Variants in EFL1 observed in about 807,000 individuals in gnomAD.
EFL1 encodes elongation factor like GTPase 1.
In EFL1, 76 loss-of-function variants were observed where a neutral mutation model predicts 126.7. That is an observed-to-expected ratio of 0.60 (90% CI 0.50 to 0.73). The LOEUF (loss-of-function observed/expected upper bound fraction) is 0.73, where lower values mean the gene tolerates loss of function less well. EFL1 is among the 30% of genes least tolerant of loss of function. The pLI, the probability that EFL1 is intolerant of heterozygous loss-of-function variation, is 0.00. For missense variants in EFL1, 1,128 were observed against 1,343.2 expected, an observed-to-expected ratio of 0.84 and a Z score of 2.50; for synonymous variants, 410 against 448.4, an observed-to-expected ratio of 0.91 and a Z score of 1.08.
Position 82,238,487 on chromosome 15 carries a change from T to G in EFL1, c.551A>C (p.Lys184Thr). 1 of 1,613,758 alleles carries G rather than the reference T, an allele frequency of 6.2e-7. No individual in the cohort carries two copies. Among genetic ancestry groups the G allele is most frequent in the Non-Finnish European group, 8.5e-7 (1 of 1,179,856 alleles). Reference sequence around the variant, plus strand: ...CCTCTCTGCTCTTTCTTCTAGGACTTTAGAAGTAAAAAGAGTCCCTGTGAG... The same window carrying G: ...CCTCTCTGCTCTTTCTTCTAGGACTGTAGAAGTAAAAAGAGTCCCTGTGAG... ...NALTGTLFTS[K>T]VLEERAERET... is the part of the protein sequence containing the mutation. Residue 184 changes from lysine (K) to threonine (T), a missense_variant, in exon 7 of 20, where the codon AAA becomes ACA. By Grantham distance (78) the Lys-to-Thr change is moderately conservative. Coordinates refer to ENST00000268206, the MANE Select transcript of EFL1 (RefSeq NM_024580.6).
intron 4 of EFL1, among the ~76,000 whole-genome samples, chr15:82,252,036 T>C (rs970349346): frequency 6.6e-6 from 1 of 152,196 alleles, no homozygotes; most frequent in African/African-American, 2.4e-5. Context: ...AAAAATACTC[T>C]GCAATTTGTT....
rs778084705 is a variant in EFL1 at position 82,151,474 on chromosome 15, C to A, written c.2980G>T (p.Asp994Tyr). 1 of 1,608,674 alleles carries A rather than the reference C, an allele frequency of 6.2e-7. No homozygotes were observed. The highest frequency in any genetic ancestry group is 1.1e-5 in the South Asian group (1 of 90,214). Residue 994 changes from aspartate (D) to tyrosine (Y), a missense_variant, in exon 18 of 20, where the codon GAT becomes TAT. By Grantham distance (160) the Asp-to-Tyr change is radical. Transcript: ENST00000268206. ...ACCTTTTCTTCCTTACCGAGAACAT[C>A]ACCAGTGGCCATGATGTCACATGTG... ...MYTCDIMATGDVLGRVYAVLS... is the reference protein window; with the variant it reads ...MYTCDIMATGYVLGRVYAVLS...
chr15:82,140,806 T>C (rs193155197), intron 18 of EFL1, among the ~76,000 whole-genome samples: 1 of 152,334 alleles, frequency 6.6e-6, no homozygotes, highest in Admixed American at 6.5e-5. Flanking sequence ...AGTTACAGAA[T>C]CACACAACAG....
chr15:82,158,912 A>G (rs2141236760), intron 16 of EFL1, among the ~76,000 whole-genome samples: 1 of 152,340 alleles, frequency 6.6e-6, no homozygotes, highest in Non-Finnish European at 1.5e-5. Context: ...ACAGGTATAG[A>G]GAAACTAATA....
intron 7 of EFL1, among the ~76,000 whole-genome samples, chr15:82,236,002 C>T (rs1567074469): frequency 6.6e-6 from 1 of 151,866 alleles, no homozygotes; most frequent in African/African-American, 2.4e-5. Flanking sequence ...GATCAACATA[C>T]AAAAATTAAT....
At chr15:82,224,565 G>C (rs2074742385) in intron 12 of EFL1, among the ~76,000 whole-genome samples, 1 of 152,198 alleles carries the variant, frequency 6.6e-6, no homozygotes, top group Non-Finnish European at 1.5e-5. Flanking sequence ...AAGTGGATCA[G>C]TGGAACTAAA....
intron 11 of EFL1, among the ~76,000 whole-genome samples, chr15:82,227,158 AT>A (rs2074772035): frequency 6.6e-6 from 1 of 152,246 alleles, no homozygotes; most frequent in South Asian, 2.1e-4. Context: ...GACAAATTTC[AT>A]GGAACCTACA....
chr15:82,169,495 T>A (rs563961585), intron 15 of EFL1, among the ~76,000 whole-genome samples: 51 of 152,232 alleles, frequency 3.4e-4, no homozygotes, highest in African/African-American at 1.2e-3. Flanking sequence ...GAAACAAGAA[T>A]AAAATCCAGA....
intron 16 of EFL1, among the ~76,000 whole-genome samples, chr15:82,160,749 G>A (rs1255415676): frequency 1.3e-5 from 2 of 152,282 alleles, no homozygotes; most frequent in East Asian, 3.9e-4. Flanking sequence ...TGAAGATCCA[G>A]CATTGTCTCT....
At chr15:82,251,029 T>G (rs1410932273) in intron 4 of EFL1, among the ~76,000 whole-genome samples, 3 of 151,858 alleles carry the variant, frequency 2.0e-5, no homozygotes, top group Non-Finnish European at 4.4e-5. Flanking sequence ...CTGGCCAACA[T>G]GGTGAAACCC....
chr15:82,130,716 C>T lies in EFL1; in HGVS notation c.3175-155G>A, dbSNP rs1476629207. 6.6e-5 allele frequency among the ~76,000 whole-genome samples: 10 copies of T among 152,116 alleles called. No individual in the cohort carries two copies. The South Asian group carries it at 1.0e-3, about 16-fold the overall frequency. The stretch of plus-strand genomic sequence containing the variant: ...AGGAATGGTAATAAGTATGAAGAAT[C>T]GGCAGGGTGTGGTGGCTCACGCCTA... On this transcript the variant is annotated intron_variant, in intron 19 of 19. Coordinates refer to ENST00000268206, the MANE Select transcript of EFL1 (RefSeq NM_024580.6).
At chr15:82,204,145 T>G (rs1293248793) in intron 15 of EFL1, among the ~76,000 whole-genome samples, 1 of 152,218 alleles carries the variant, frequency 6.6e-6, no homozygotes, top group Non-Finnish European at 1.5e-5. Context: ...TTTCCTTGAT[T>G]ACTTCACATC....
chr15:82,220,051 A>T (rs1219960102), intron 13 of EFL1, 27 bp downstream of exon 13: 6 of 1,574,708 alleles, frequency 3.8e-6, no homozygotes, highest in Non-Finnish European at 4.3e-6. Context: ...AATACTTTGC[A>T]ACAGAGCCTA....
intron 7 of EFL1, among the ~76,000 whole-genome samples, chr15:82,235,370 T>C (rs1302992365): frequency 4.6e-5 from 7 of 152,192 alleles, no homozygotes; most frequent in Non-Finnish European, 8.8e-5. Context: ...TTTGTTCATC[T>C]ATGTACAAAT....
chr15:82,232,418 C>G (rs547769573), intron 7 of EFL1, among the ~76,000 whole-genome samples: 1 of 152,264 alleles, frequency 6.6e-6, no homozygotes, highest in East Asian at 1.9e-4. Context: ...CACTTAAATT[C>G]TGACTTTAAT....
At chr15:82,137,514 A>C (rs567922741) in intron 19 of EFL1, among the ~76,000 whole-genome samples, 1 of 152,308 alleles carries the variant, frequency 6.6e-6, no homozygotes, top group East Asian at 1.9e-4. Flanking sequence ...GTCAGCCACA[A>C]TGTCAGGAAC....
In EFL1 at chr15:82,219,814, G is replaced by C; in HGVS notation, c.1449C>G (p.Asp483Glu). The C allele has an allele frequency of 1.9e-6, 3 of 1,600,524 alleles. No homozygotes were observed. The highest frequency in any genetic ancestry group is 2.2e-5 in the East Asian group (1 of 44,788). The change falls in exon 14 of 20, where the codon GAC (aspartate) becomes GAG (glutamate). Residue 483 changes from aspartate (D) to glutamate (E), a missense_variant. By Grantham distance (45) the Asp-to-Glu change is conservative (BLOSUM62 2). This residue lies in a region of EFL1 where 120 missense variants were observed against 142.1 expected (regional missense o/e 0.84). Coordinates refer to ENST00000268206, the MANE Select transcript of EFL1 (RefSeq NM_024580.6). ...TCPKGEEPRG[D>E]EQQVESMTPK... is the part of the protein sequence containing the mutation. ...GGGTCATACTTTCCACCTGTTGCTC[G>C]TCACCTGACAGAAACAAAAAGATAA...
intron 14 of EFL1, among the ~76,000 whole-genome samples, chr15:82,218,056 T>A (rs1246715502): frequency 1.3e-5 from 2 of 152,162 alleles, no homozygotes; most frequent in Non-Finnish European, 2.9e-5. Context: ...AGGTTCTTCA[T>A]CAGTCAGTCC....
chr15:82,187,404 T>C (rs1256622520), intron 15 of EFL1, among the ~76,000 whole-genome samples: 1 of 152,234 alleles, frequency 6.6e-6, no homozygotes, highest in South Asian at 2.1e-4. Flanking sequence ...TAGGAGATTG[T>C]ATTTTAATAT....
Sources: gnomAD v4.1 joint callset for allele counts (sites outside exome capture counted in the v4.1 genomes callset) on GRCh38, gnomAD v4.1.1 for gene constraint, gnomAD v4.1.1 regional missense constraint, MANE v1.5 for transcripts, NCBI Gene and HGNC (gene_info 2026-07-23, HGNC 2026-07-21) for gene names.